The following FCRL4 variants were observed in gnomAD, a reference collection of about 807,000 sequenced individuals.
The protein encoded by FCRL4 is Fc receptor like 4.
In FCRL4, 43 loss-of-function variants were observed where a neutral mutation model predicts 64.1. The ratio of observed to expected loss-of-function variants is 0.67; its 90% CI spans 0.53 to 0.87. The LOEUF (loss-of-function observed/expected upper bound fraction) is 0.87. Ranked by LOEUF, FCRL4 falls within the 40% of genes least tolerant of loss-of-function variation. FCRL4 has a pLI of 0.00. For missense variants in FCRL4, 656 were observed against 613.5 expected (o/e 1.07, Z -0.73); for synonymous variants, 253 against 239.8 (o/e 1.05, Z -0.51).
chr1:157,594,708 C>CT (rs1652920472), intron 2 of FCRL4, among the ~76,000 whole-genome samples: 1 of 152,120 alleles, frequency 6.6e-6, no homozygotes, highest in Non-Finnish European at 1.5e-5. Context: ...AAGCTTAAAA[C>CT]TTTAAACATT....
At chr1:157,590,438 C>T (rs1384726686) in intron 2 of FCRL4, among the ~76,000 whole-genome samples, 1 of 151,074 alleles carries the variant, frequency 6.6e-6, no homozygotes, top group Non-Finnish European at 1.5e-5. Context: ...CATCTGGCTG[C>T]CTCCTTGAGC....
intron 6 of FCRL4, among the ~76,000 whole-genome samples, chr1:157,585,874 C>A (rs543737316): frequency 2.6e-5 from 4 of 152,228 alleles, no homozygotes; most frequent in African/African-American, 9.6e-5. Flanking sequence ...CCCAGAAACA[C>A]TGCTAATGAA....
Position 157,589,185 on chromosome 1 carries a change from A to C in FCRL4, c.307+19T>G. 1 of 1,608,288 alleles carries C rather than the reference A, an allele frequency of 6.2e-7. No individual in the cohort carries two copies. The highest frequency in any genetic ancestry group is 8.5e-7 in the Non-Finnish European group (1 of 1,175,960). ...TGATACCATTTATAAAGTTTCAACT[A>C]ATTCACCTTCTTTCTCACCTGAAGA... On this transcript the variant is annotated intron_variant, in intron 3 of 11. Coordinates refer to ENST00000271532, the MANE Select transcript of FCRL4 (RefSeq NM_031282.3).
At chr1:157,582,205 C>A (rs1308484408) in intron 6 of FCRL4, among the ~76,000 whole-genome samples, 1 of 152,152 alleles carries the variant, frequency 6.6e-6, no homozygotes, top group African/African-American at 2.4e-5. Context: ...TTGTTAGGGG[C>A]TTTTGATATT....
chr1:157,593,234 A>C (rs1235885002), intron 2 of FCRL4, among the ~76,000 whole-genome samples: 1 of 152,188 alleles, frequency 6.6e-6, no homozygotes, highest in Admixed American at 6.5e-5. Context: ...TTATAGTATA[A>C]TAATAATAAA....
intron 7 of FCRL4, 183 bp from the exon 8 acceptor site, chr1:157,580,531 CA>C: frequency 1.6e-6 from 1 of 619,628 alleles, no homozygotes; most frequent in Non-Finnish European, 2.9e-6. Context: ...TTTTTGAGGC[CA>C]GGACTGCACA....
At position 157,573,876 on chromosome 1, in the gene FCRL4, T is replaced by C. The variant is rs1437003283; in HGVS notation, c.*1648A>G. On this transcript the variant is annotated 3_prime_UTR_variant, in exon 12 of 12. Coordinates refer to ENST00000271532, the MANE Select transcript of FCRL4 (RefSeq NM_031282.3). ...AAAACACACAACAATTTCTTAATAT[T>C]AGTATACAAATTTTTCTTAGTATTT... 5.2e-6 allele frequency: 1 copy of C among 194,022 alleles called. No individual in the cohort carries two copies. The highest frequency in any genetic ancestry group is 2.3e-5 in the African/African-American group (1 of 43,204). 12.0% of individuals were successfully genotyped at this position (194,022 alleles called of 1,614,324 possible).
intron 3 of FCRL4, 50 bp downstream of exon 3, chr1:157,589,154 A>G: frequency 3.1e-6 from 5 of 1,591,294 alleles, no homozygotes; most frequent in Non-Finnish European, 4.3e-6. Flanking sequence ...GGGAGCTAAG[A>G]TAAACTGATA....
chr1:157,578,370 C>T (rs1652461556), intron 10 of FCRL4, 104 bp downstream of exon 10: 1 of 961,972 alleles, frequency 1.0e-6, no homozygotes, highest in Non-Finnish European at 1.6e-6. Flanking sequence ...TACTGATTGA[C>T]TTCCCATACT....
intron 7 of FCRL4, 117 bp downstream of exon 7, chr1:157,581,414 T>C (rs1478905437): frequency 4.0e-6 from 3 of 750,868 alleles, no homozygotes; most frequent in Non-Finnish European, 6.6e-6. Flanking sequence ...ACGCTGGGAG[T>C]GGAGACTTGG....
In FCRL4 at chr1:157,598,062, C is replaced by T. The variant is rs142562524; in HGVS notation, c.-118G>A. 4.9e-5 allele frequency: 34 copies of T among 694,852 alleles called. No homozygotes were observed. The highest frequency in any genetic ancestry group is 8.3e-5 in the Non-Finnish European group (32 of 386,426). The allele number at this position is 694,852 out of a possible 1,614,324, so 43.0% of individuals were successfully genotyped here. A position where few individuals can be genotyped will look rare whatever the true frequency, so the allele number is the denominator to read the frequency against. ...GCAGTGAGCTCAGTAAGCTTCTTCT[C>T]TGCATAAAGCTGATTGAGATAATGA... On this transcript the variant is annotated 5_prime_UTR_variant, in exon 1 of 12. Coordinates refer to ENST00000271532, the MANE Select transcript of FCRL4 (RefSeq NM_031282.3).
intron 10 of FCRL4, among the ~76,000 whole-genome samples, chr1:157,577,885 T>C (rs979511996): frequency 6.6e-6 from 1 of 152,182 alleles, no homozygotes; most frequent in African/African-American, 2.4e-5. Context: ...AGAAATGCAT[T>C]GCTTTACTAT....
chr1:157,575,643 G>T lies in FCRL4; in HGVS notation c.1462-33C>A, dbSNP rs750338031. The T allele has an allele frequency of 5.8e-5, 93 of 1,611,146 alleles. 1 individual carries two copies. In the Middle Eastern group the frequency reaches 2.3e-3, roughly 40 times the overall value. On this transcript the variant is annotated intron_variant, in intron 11 of 11. Transcript: ENST00000271532. ...GGAAGAAAGAAGTGGAAACCGAGAG[G>T]GAGTGTGAGGCTGCAGGTAATGGTG... is the stretch of plus-strand genomic sequence containing the variant.
At chr1:157,580,420 GCTAT>G (rs1652535044) in intron 7 of FCRL4, 72 bp from the exon 8 acceptor site, 6 of 1,509,602 alleles carry the variant, frequency 4.0e-6, no homozygotes, top group African/African-American at 2.7e-5. Context: ...TGTAACAGGA[GCTAT>G]CTAAGAGAGG....
intron 2 of FCRL4, among the ~76,000 whole-genome samples, chr1:157,592,499 T>C (rs1366878005): frequency 6.6e-6 from 1 of 152,218 alleles, no homozygotes; most frequent in Non-Finnish European, 1.5e-5. Context: ...TCATCATCAC[T>C]GGCCATCAGA....
intron 6 of FCRL4, among the ~76,000 whole-genome samples, chr1:157,584,818 G>C (rs115197107): frequency 0.047 from 7,217 of 152,242 alleles, 219 homozygotes; most frequent in African/African-American, 0.085. Flanking sequence ...CGTCAGAGCT[G>C]ACTTTGTATA....
At chr1:157,585,342 C>T (rs1186923546) in intron 6 of FCRL4, among the ~76,000 whole-genome samples, 3 of 69,926 alleles carry the variant, frequency 4.3e-5, no homozygotes, top group African/African-American at 1.3e-4. Context: ...TTCTTTCTCT[C>T]TCTCTTTCTT....
intron 7 of FCRL4, among the ~76,000 whole-genome samples, 196 bp downstream of exon 7, chr1:157,581,335 C>T (rs1257118078): frequency 6.6e-6 from 1 of 152,200 alleles, no homozygotes; most frequent in Non-Finnish European, 1.5e-5. Flanking sequence ...TAGATATGAG[C>T]AGCTCTCATT....
In FCRL4 at chr1:157,585,670, C is replaced by T. The variant is rs185456088; in HGVS notation, c.1135+498G>A. 2.5e-3 allele frequency among the ~76,000 whole-genome samples: 376 copies of T among 152,162 alleles called. 5 individuals are homozygous for T. The highest frequency in any genetic ancestry group is 0.024 in the Middle Eastern group (7 of 294). ...CCTGCTTCTTGTGAGTTTCCTGACC[C>T]ACATACAATTTGGCTGCTGAGAATC... On this transcript the variant is annotated intron_variant, in intron 6 of 11. Coordinates refer to ENST00000271532, the MANE Select transcript of FCRL4 (RefSeq NM_031282.3).
Sources: gnomAD v4.1 joint callset for allele counts (sites outside exome capture counted in the v4.1 genomes callset) on GRCh38, gnomAD v4.1.1 for gene constraint, MANE v1.5 for transcripts, NCBI Gene and HGNC (gene_info 2026-07-23, HGNC 2026-07-21) for gene names.